Variants in TENM1 observed in about 807,000 individuals in gnomAD.
The protein encoded by TENM1 is teneurin transmembrane protein 1.
A neutral mutation model predicts 174.8 loss-of-function variants in TENM1; 35 were observed. That is an observed-to-expected ratio of 0.20 (90% CI 0.15 to 0.27). The LOEUF (loss-of-function observed/expected upper bound fraction) is 0.27. Ranked by LOEUF, TENM1 falls within the 10% of genes least tolerant of loss-of-function variation. The pLI is 1.00. For missense variants in TENM1, 1,633 were observed against 2,130.1 expected (o/e 0.77, Z 4.59); for synonymous variants, 781 against 798.7 (o/e 0.98, Z 0.37).
At chrX:124,436,642 C>T (rs1399309259) in intron 23 of TENM1, among the ~76,000 whole-genome samples, 2 of 109,815 alleles carry the variant, frequency 1.8e-5, no homozygotes, top group African/African-American at 3.3e-5. Flanking sequence ...TACAGGCACC[C>T]GCCACCTCGC....
exon 25 of TENM1, chrX:124,420,674 A>G: frequency 3.3e-6 from 4 of 1,211,855 alleles, no homozygotes; most frequent in Non-Finnish European, 4.5e-6. Flanking sequence ...AATCTCATAA[A>G]TGTTCATGTC....
intron 16 of TENM1, among the ~76,000 whole-genome samples, chrX:124,526,965 T>G (rs752713937): frequency 9.8e-5 from 11 of 112,124 alleles, no homozygotes; most frequent in African/African-American, 3.6e-4. Flanking sequence ...CTTTCAACAC[T>G]TGACTGAGGA....
chrX:124,723,217 C>T (rs907949849), intron 4 of TENM1, among the ~76,000 whole-genome samples: 1 of 111,988 alleles, frequency 8.9e-6, no homozygotes, highest in African/African-American at 3.2e-5. Context: ...TCAAATCCAA[C>T]GTGGTATGTG....
At chrX:124,412,459 T>C (rs1454493167) in intron 25 of TENM1, among the ~76,000 whole-genome samples, 1 of 112,408 alleles carries the variant, frequency 8.9e-6, no homozygotes, top group East Asian at 2.8e-4. Flanking sequence ...AGTTAAACTG[T>C]TCAAGATAAA....
At chrX:124,725,465 C>T (rs779266576) in intron 4 of TENM1, among the ~76,000 whole-genome samples, 1 of 111,936 alleles carries the variant, frequency 8.9e-6, no homozygotes, top group African/African-American at 3.2e-5. Context: ...AGATATCACA[C>T]CAATTTTTTA....
intron 3 of TENM1, among the ~76,000 whole-genome samples, chrX:124,880,986 T>C (rs2057293189): frequency 1.8e-5 from 2 of 111,990 alleles, no homozygotes; most frequent in Admixed American, 9.5e-5. Flanking sequence ...TATTGGCCTA[T>C]AGCTTTCTTT....
At chrX:125,001,909 C>A in the TENM1 span, among the ~76,000 whole-genome samples, 11 of 82,950 alleles carry the variant, frequency 1.3e-4, no homozygotes, top group South Asian at 1.5e-3. Flanking sequence ...ACCTCCAGTC[C>A]ATCTGTCTAG....
At chrX:124,383,581 C>T in intron 30 of TENM1, 53 bp downstream of exon 33, 4 of 1,034,412 alleles carry the variant, frequency 3.9e-6, no homozygotes, top group Non-Finnish European at 5.2e-6. Flanking sequence ...GTGATAAAAT[C>T]AACAGTACTG....
chrX:124,795,478 A>T (rs771833700), intron 3 of TENM1, among the ~76,000 whole-genome samples: 103 of 112,048 alleles, frequency 9.2e-4, no homozygotes, highest in Non-Finnish European at 1.7e-3. Flanking sequence ...TGGCATTTTG[A>T]TCATACAAAA....
intron 1 of TENM1, among the ~76,000 whole-genome samples, chrX:124,908,988 A>C (rs1433003126): frequency 9.1e-6 from 1 of 110,001 alleles, no homozygotes; most frequent in Non-Finnish European, 1.9e-5. Context: ...GCTCCTGAGT[A>C]GCTGAGATTA....
intron 3 of TENM1, among the ~76,000 whole-genome samples, chrX:124,743,348 C>A (rs939917709): frequency 9.0e-6 from 1 of 111,656 alleles, no homozygotes; most frequent in Non-Finnish European, 1.9e-5. Flanking sequence ...GTTAAATAAA[C>A]CATTGGATTG....
At chrX:125,017,112 T>C in the TENM1 span, among the ~76,000 whole-genome samples, 1 of 111,737 alleles carries the variant, frequency 8.9e-6, no homozygotes, top group Non-Finnish European at 1.9e-5. Flanking sequence ...ATAAAAACCC[T>C]AGAAGAAAAC....
intron 14 of TENM1, among the ~76,000 whole-genome samples, chrX:124,558,065 C>A (rs745661998): frequency 2.5e-4 from 28 of 111,982 alleles, no homozygotes; most frequent in Non-Finnish European, 4.5e-4. Flanking sequence ...CTTGTATATA[C>A]AATACATAAG....
chrX:124,638,206 CATA>C (rs1442142083), intron 11 of TENM1, among the ~76,000 whole-genome samples: 1 of 111,108 alleles, frequency 9.0e-6, no homozygotes. Context: ...CAGGCATGTT[CATA>C]ATTACCCTTT....
At chrX:124,677,701 T>C (rs2052124939) in intron 5 of TENM1, among the ~76,000 whole-genome samples, 1 of 111,267 alleles carries the variant, frequency 9.0e-6, no homozygotes, top group Non-Finnish European at 1.9e-5. Context: ...TTTATAAGAA[T>C]TAAAAGGACT....
intron 16 of TENM1, 80 bp from the exon 20 acceptor site, chrX:124,523,705 GC>G: frequency 9.8e-7 from 1 of 1,016,935 alleles, no homozygotes; most frequent in African/African-American, 1.9e-5. Context: ...TAATTTCAGT[GC>G]CCTTTCCTTT....
At chrX:124,849,310 T>G (rs771290967) in intron 3 of TENM1, among the ~76,000 whole-genome samples, 34 of 111,439 alleles carry the variant, frequency 3.1e-4, no homozygotes, top group Non-Finnish European at 5.3e-4. Context: ...TTCATTATAA[T>G]CAATAGAATA....
intron 4 of TENM1, among the ~76,000 whole-genome samples, chrX:124,731,543 C>T (rs2053565306): frequency 9.0e-6 from 1 of 111,576 alleles, no homozygotes; most frequent in Non-Finnish European, 1.9e-5. Flanking sequence ...AAACAGAAAA[C>T]ATTGGCTTTA....
intron 23 of TENM1, among the ~76,000 whole-genome samples, chrX:124,437,022 C>A (rs368400357): frequency 1.0e-5 from 1 of 99,543 alleles, no homozygotes; most frequent in East Asian, 3.2e-4. Context: ...CTCACTGCAA[C>A]CTACGCCTCC....
Sources: gnomAD v4.1 joint callset for allele counts (sites outside exome capture counted in the v4.1 genomes callset) on GRCh38, gnomAD v4.1.1 for gene constraint, MANE v1.5 for transcripts, NCBI Gene and HGNC (gene_info 2026-07-23, HGNC 2026-07-21) for gene names.